MAPKAPK2: variants seen among roughly 807,000 people sequenced by gnomAD.
MAPKAPK2 encodes the protein MAPK activated protein kinase 2.
Under a neutral mutation model 48.8 loss-of-function variants are expected in MAPKAPK2, and 9 were observed. That is an observed-to-expected ratio of 0.18 (90% CI 0.11 to 0.32). The LOEUF (loss-of-function observed/expected upper bound fraction) is 0.32, where lower values mean the gene tolerates loss of function less well. Among genes scored for constraint, MAPKAPK2 ranks in the 10% least tolerant of loss-of-function variants. MAPKAPK2 has a pLI of 1.00. For synonymous variants in MAPKAPK2, 202 were observed against 190.6 expected (o/e 1.06, Z -0.49); for missense variants, 331 against 498.3 (o/e 0.66, Z 3.20).
chr1:206,727,682 G>A (rs1055264088), intron 1 of MAPKAPK2, among the ~76,000 whole-genome samples: 8 of 152,050 alleles, frequency 5.3e-5, no homozygotes, highest in Admixed American at 2.0e-4. Flanking sequence ...GTGCAGTGGC[G>A]TGATCTCGGC....
chr1:206,715,608 T>C (rs927269489), intron 1 of MAPKAPK2, among the ~76,000 whole-genome samples: 1 of 151,274 alleles, frequency 6.6e-6, no homozygotes, highest in Non-Finnish European at 1.5e-5. Context: ...ATATTGGTTT[T>C]TTTTTTCTTT....
chr1:206,703,273 T>G (rs1180613566), intron 1 of MAPKAPK2, among the ~76,000 whole-genome samples: 4 of 152,198 alleles, frequency 2.6e-5, no homozygotes, highest in Admixed American at 6.5e-5. Flanking sequence ...AATCAAGCAT[T>G]AAAGTGTCAG....
In MAPKAPK2 at chr1:206,685,197, AC is replaced by A. The variant is rs1553425283; in HGVS notation, c.-28del. 4 of 261,848 alleles carry A rather than the reference AC, an allele frequency of 1.5e-5. No individual in the cohort carries two copies. The highest frequency in any genetic ancestry group is 1.1e-4 in the South Asian group (1 of 9,064). 16.2% of individuals were successfully genotyped at this position (261,848 alleles called of 1,614,324 possible). A position where few individuals can be genotyped will look rare whatever the true frequency, so the allele number is the denominator to read the frequency against. The stretch of plus-strand genomic sequence containing the variant: ...GCCGGAGGAGGGGGCGGCCGCGGGC[AC>A]CCCCGCCTGTGCCCCGGCGTCCCCG... On this transcript the variant is annotated 5_prime_UTR_variant, in exon 1 of 10. Coordinates refer to ENST00000367103, the MANE Select transcript of MAPKAPK2 (RefSeq NM_032960.4).
At chr1:206,723,855 T>G (rs1673621350) in intron 1 of MAPKAPK2, among the ~76,000 whole-genome samples, 1 of 152,224 alleles carries the variant, frequency 6.6e-6, no homozygotes, top group African/African-American at 2.4e-5. Context: ...TAGAGCTTCC[T>G]TCCCAGGCAA....
At chr1:206,727,858 C>T (rs1166606211) in intron 1 of MAPKAPK2, among the ~76,000 whole-genome samples, 2 of 152,146 alleles carry the variant, frequency 1.3e-5, no homozygotes, top group Non-Finnish European at 2.9e-5. Context: ...CTCCTGACCT[C>T]GTGATCTGCC....
At chr1:206,710,782 T>A (rs1553429335) in intron 1 of MAPKAPK2, among the ~76,000 whole-genome samples, 5 of 152,202 alleles carry the variant, frequency 3.3e-5, no homozygotes, top group African/African-American at 1.2e-4. Flanking sequence ...AGTATGACAA[T>A]TTGCAAAGGC....
intron 1 of MAPKAPK2, among the ~76,000 whole-genome samples, chr1:206,693,710 C>T (rs1257163533): frequency 6.6e-6 from 1 of 152,240 alleles, no homozygotes; most frequent in Non-Finnish European, 1.5e-5. Context: ...AGGCCTTCAA[C>T]CCGACTGCCC....
At chr1:206,698,876 G>T (rs1553427479) in intron 1 of MAPKAPK2, among the ~76,000 whole-genome samples, 1 of 152,172 alleles carries the variant, frequency 6.6e-6, no homozygotes, top group African/African-American at 2.4e-5. Flanking sequence ...AAGTGCAAAG[G>T]CAAAAGCCTG....
intron 1 of MAPKAPK2, among the ~76,000 whole-genome samples, chr1:206,721,302 T>G (rs1163430117): frequency 8.5e-5 from 13 of 152,362 alleles, no homozygotes; most frequent in African/African-American, 3.1e-4. Flanking sequence ...TTGTACCAGC[T>G]GCAGAACTAT....
At chr1:206,687,745 C>T (rs374771959) in intron 1 of MAPKAPK2, among the ~76,000 whole-genome samples, 1 of 152,090 alleles carries the variant, frequency 6.6e-6, no homozygotes, top group East Asian at 1.9e-4. Flanking sequence ...TTTTCAAAAC[C>T]AGAAGTCTAG....
rs190008546 is a variant in MAPKAPK2 at position 206,707,432 on chromosome 1, T to C, written c.280-21278T>C. On this transcript the variant is annotated intron_variant, in intron 1 of 9. Coordinates refer to ENST00000367103, the MANE Select transcript of MAPKAPK2 (RefSeq NM_032960.4). ...ATGTGAAGCCAGAAGCACCAGACTC[T>C]GGTTTCCTTGGAAACCAGAGCAGCA... 6.8e-3 allele frequency among the ~76,000 whole-genome samples: 1,040 copies of C among 152,232 alleles called. 12 individuals carry two copies. The highest frequency in any genetic ancestry group is 0.023 in the African/African-American group (975 of 41,506).
At position 206,731,813 on chromosome 1, in the gene MAPKAPK2, C is replaced by G; in HGVS notation, c.979-26C>G. The stretch of plus-strand genomic sequence containing the variant: ...GCCAGGACCCTACCCCAGGCTTTCA[C>G]TCGGACCCCTTTTCTCTCTTCTCAG... On this transcript the variant is annotated intron_variant, in intron 8 of 9. Coordinates refer to ENST00000367103, the MANE Select transcript of MAPKAPK2 (RefSeq NM_032960.4). The surrounding 1 kb of genome is among the most constrained non-coding windows in gnomAD (Gnocchi z 5.9). 1 of 1,613,540 alleles carries G rather than the reference C, an allele frequency of 6.2e-7. No individual in the cohort carries two copies. The highest frequency in any genetic ancestry group is 2.2e-5 in the East Asian group (1 of 44,878).
chr1:206,701,747 T>C (rs1672801058), intron 1 of MAPKAPK2, among the ~76,000 whole-genome samples: 1 of 143,798 alleles, frequency 7.0e-6, no homozygotes, highest in African/African-American at 2.6e-5. Flanking sequence ...GGTGGGAGGA[T>C]CACTTGAGCC....
chr1:206,728,037 C>G (rs11119390), intron 1 of MAPKAPK2, among the ~76,000 whole-genome samples: 40,136 of 152,096 alleles, frequency 0.26, 6,129 homozygotes, highest in East Asian at 0.52. Flanking sequence ...GATTGAACCC[C>G]TGAGGCTGGT....
At chr1:206,709,653 A>G (rs1422566277) in intron 1 of MAPKAPK2, among the ~76,000 whole-genome samples, 1 of 152,172 alleles carries the variant, frequency 6.6e-6, no homozygotes, top group Non-Finnish European at 1.5e-5. Context: ...TCTACTTGCC[A>G]TTGTGTCATT....
At chr1:206,695,030 C>T (rs1180309461) in intron 1 of MAPKAPK2, among the ~76,000 whole-genome samples, 3 of 152,186 alleles carry the variant, frequency 2.0e-5, no homozygotes, top group African/African-American at 7.2e-5. Context: ...GACTTCATAC[C>T]CTTTGTGTTC....
At chr1:206,715,636 T>A (rs1203489385) in intron 1 of MAPKAPK2, among the ~76,000 whole-genome samples, 1 of 150,512 alleles carries the variant, frequency 6.6e-6, no homozygotes, top group Non-Finnish European at 1.5e-5. Context: ...TTTCTTTTTT[T>A]TTTTTTTTGA....
In MAPKAPK2 at chr1:206,732,364, T is replaced by A. The variant is rs1673944643; in HGVS notation, c.1060-211T>A. 7 of 1,445,778 alleles carry A rather than the reference T, an allele frequency of 4.8e-6. No individual in the cohort carries two copies. The highest frequency in any genetic ancestry group is 6.4e-6 in the Non-Finnish European group (7 of 1,101,630). The allele number at this position is 1,445,778 out of a possible 1,614,324, so 89.6% of individuals were successfully genotyped here. ...GGGGGCTCTCAGGGAACAGCAGCAG[T>A]GCCATAGCCAGGCTCTCTGCTGCCC... On this transcript the variant is annotated intron_variant, in intron 9 of 9. Transcript: ENST00000367103. The surrounding 1 kb of genome is among the most constrained non-coding windows in gnomAD (Gnocchi z 4.4).
chr1:206,697,437 A>G (rs1472080783), intron 1 of MAPKAPK2, among the ~76,000 whole-genome samples: 1 of 151,996 alleles, frequency 6.6e-6, no homozygotes, highest in African/African-American at 2.4e-5. Context: ...GGATCATGGC[A>G]CCAGCATCTG....
Sources: allele counts gnomAD v4.1 joint callset (sites outside exome capture counted in the v4.1 genomes callset), GRCh38; gene constraint gnomAD v4.1.1; non-coding constraint Gnocchi (gnomAD v3.1); transcripts MANE v1.5; gene names NCBI Gene and HGNC (gene_info 2026-07-23, HGNC 2026-07-21).